The following MPP4 variants were observed in gnomAD, a reference collection of about 807,000 sequenced individuals.
MPP4 encodes MAGUK p55 scaffold protein 4.
MPP4 carries 91 observed loss-of-function variants against 98.3 expected under a neutral mutation model. The ratio of observed to expected loss-of-function variants is 0.93; its 90% CI spans 0.78 to 1.10. The LOEUF (loss-of-function observed/expected upper bound fraction) is 1.10. Ranked by LOEUF, MPP4 falls within the 50% of genes least tolerant of loss-of-function variation. The pLI is 0.00. For missense variants in MPP4, 744 were observed against 792.9 expected (o/e 0.94, Z 0.74); for synonymous variants, 261 against 271.8 (o/e 0.96, Z 0.39).
chr2:201,685,248 TGGTCTTTC>T, intron 6 of MPP4, 103 bp from the exon 7 acceptor site: 1 of 139,602 alleles, frequency 7.2e-6, no homozygotes, highest in South Asian at 1.2e-4. Context: ...AATGCAGCTC[TGGTCTTTC>T]AATCAATGCA....
At chr2:201,682,733 C>A in intron 8 of MPP4, 98 bp downstream of exon 8, 1 of 1,007,024 alleles carries the variant, frequency 9.9e-7, no homozygotes, top group South Asian at 1.4e-5. Context: ...GAACTTGAGT[C>A]CCCGGTACAT....
chr2:201,660,220 CA>C, intron 15 of MPP4, 111 bp downstream of exon 15: 1 of 1,074,628 alleles, frequency 9.3e-7, no homozygotes, highest in Non-Finnish European at 1.4e-6. Context: ...TAAACAACAA[CA>C]AATTCCGTAT....
chr2:201,680,968 CA>C lies in MPP4; in HGVS notation c.798del (p.Gly267AspfsTer42). ...ATGTCCCCCTTCTGGAAAGGCAATC[CA>C]GCGTCCATGCAGGGGATGTCGGGAT... is the stretch of plus-strand genomic sequence containing the variant. ...QEDPDIPCMD[A>X]GLPFQKGDIL... is the part of the protein sequence containing the mutation. On this transcript the variant is annotated frameshift_variant, in exon 10 of 22. Coordinates refer to ENST00000409474, the MANE Select transcript of MPP4 (RefSeq NM_033066.3). LOFTEE classifies it high-confidence loss of function. The C allele has an allele frequency of 6.2e-7, 1 of 1,613,942 alleles. No individual in the cohort carries two copies. The highest frequency in any genetic ancestry group is 8.5e-7 in the Non-Finnish European group (1 of 1,179,872).
At position 201,686,033 on chromosome 2, in the gene MPP4, A is replaced by T. The variant is rs376175310; in HGVS notation, c.378T>A (p.His126Gln). 2.5e-6 allele frequency: 4 copies of T among 1,611,868 alleles called. No homozygotes were observed. Among genetic ancestry groups the T allele is most frequent in the Non-Finnish European group, 3.4e-6 (4 of 1,178,262 alleles). The change falls in exon 6 of 22, where the codon CAT becomes CAA. Residue 126 changes from histidine to glutamine, a missense_variant. Physicochemically the swap from His to Gln is conservative, Grantham distance 24. Transcript: ENST00000409474. Reference sequence around the variant, plus strand: ...CAAAATCTTTCTGAGCTATCGTGTCATGGGCACTGAGCAAGGCCTGGGCAC... The same window carrying T: ...CAAAATCTTTCTGAGCTATCGTGTCTTGGGCACTGAGCAAGGCCTGGGCAC... ...APHFKALLSA[H>Q]DTIAQKDFEP...
intron 10 of MPP4, chr2:201,680,106 C>T (rs764249346): frequency 6.6e-6 from 1 of 152,224 alleles, no homozygotes; most frequent in Non-Finnish European, 1.5e-5. Flanking sequence ...GGGACTGCTG[C>T]TTCTTTCTAT....
At chr2:201,652,078 C>G in intron 18 of MPP4, 1 of 891,188 alleles carries the variant, frequency 1.1e-6, no homozygotes, top group Non-Finnish European at 1.3e-6. Flanking sequence ...GAAAGCACAG[C>G]CTATAGCATG....
chr2:201,684,374 T>G (rs1688757003), intron 7 of MPP4, among the ~76,000 whole-genome samples: 1 of 152,208 alleles, frequency 6.6e-6, no homozygotes, highest in Admixed American at 6.5e-5. Context: ...GTTGGGAATA[T>G]AGAGCTAAGC....
At chr2:201,647,298 C>T (rs1267218285) in intron 21 of MPP4, among the ~76,000 whole-genome samples, 3 of 151,766 alleles carry the variant, frequency 2.0e-5, no homozygotes, top group Non-Finnish European at 4.4e-5. Context: ...TCATACATGC[C>T]CAATTTCTGT....
rs781676743 is a variant in MPP4, at chr2:201,664,299, C to T, written c.1052-198G>A. 15 of 1,460,512 alleles carry T rather than the reference C, an allele frequency of 1.0e-5. No individual in the cohort carries two copies. In the South Asian group the frequency reaches 1.7e-4, roughly 17 times the overall value. 90.5% of individuals were successfully genotyped at this position (1,460,512 alleles called of 1,614,324 possible). A position where few individuals can be genotyped will look rare whatever the true frequency, so the allele number is the denominator to read the frequency against. ...TTTACATGAAACACATGGTATTCGGCAGTTGAGCCATGATGACAGTCAGGG... is the reference window on the plus strand; with the variant it reads ...TTTACATGAAACACATGGTATTCGGTAGTTGAGCCATGATGACAGTCAGGG... On this transcript the variant is annotated intron_variant, in intron 13 of 21. Coordinates refer to ENST00000409474, the MANE Select transcript of MPP4 (RefSeq NM_033066.3).
rs115617480 is a variant in MPP4, at chr2:201,655,142, G to A, written c.1301-225C>T. 4.8e-3 allele frequency among the ~76,000 whole-genome samples: 734 copies of A among 152,316 alleles called. 12 individuals carry two copies. The highest frequency in any genetic ancestry group is 0.017 in the African/African-American group (696 of 41,572). Reference sequence around the variant, plus strand: ...CATTGTTTCAACATTCAGGAATGAGGTAAGGAATCACAGGAACCTGACCCC... The same window carrying A: ...CATTGTTTCAACATTCAGGAATGAGATAAGGAATCACAGGAACCTGACCCC... On this transcript the variant is annotated intron_variant, in intron 17 of 21. Transcript: ENST00000409474.
intron 8 of MPP4, among the ~76,000 whole-genome samples, chr2:201,682,204 A>T (rs1054512752): frequency 4.6e-5 from 7 of 152,194 alleles, no homozygotes; most frequent in African/African-American, 1.7e-4. Flanking sequence ...GGTAGAAGCC[A>T]TGCATATCTG....
At chr2:201,649,270 T>G (rs750327541) in intron 20 of MPP4, among the ~76,000 whole-genome samples, 2 of 152,146 alleles carry the variant, frequency 1.3e-5, no homozygotes, top group Non-Finnish European at 2.9e-5. Flanking sequence ...AAGCAACATC[T>G]TATTCACTCC....
chr2:201,654,016 G>T (rs1199659675), intron 18 of MPP4, among the ~76,000 whole-genome samples: 3 of 151,240 alleles, frequency 2.0e-5, no homozygotes, highest in Non-Finnish European at 4.4e-5. Context: ...TCACTTTCTC[G>T]CCCAGACTGG....
In MPP4 at chr2:201,650,130, C is replaced by A. The variant is rs779597510; in HGVS notation, c.1417G>T (p.Gly473Trp). ...TTGGACACATAGTGATACTCACGCC[C>A]ATTCATTTCGTAACTCTTTTTAGTA... ...TRTKKSYEMN[G>W]REYHYVSKET... is the part of the protein sequence containing the mutation. Residue 473 changes from glycine (G) to tryptophan (W), a missense_variant, in exon 19 of 22, where the codon GGG (glycine) becomes TGG (tryptophan). Coordinates refer to ENST00000409474, the MANE Select transcript of MPP4 (RefSeq NM_033066.3). 1 of 1,580,072 alleles carries A rather than the reference C, an allele frequency of 6.3e-7. No homozygotes were observed. The highest frequency in any genetic ancestry group is 2.3e-5 in the East Asian group (1 of 44,038).
At chr2:201,693,180 A>G (rs2105950688) in intron 2 of MPP4, among the ~76,000 whole-genome samples, 151 bp from the exon 3 acceptor site, 1 of 152,322 alleles carries the variant, frequency 6.6e-6, no homozygotes, top group East Asian at 1.9e-4. Context: ...GCCCTGTTCC[A>G]CCTCTTACTT....
intron 3 of MPP4, among the ~76,000 whole-genome samples, chr2:201,691,427 G>A (rs554402044): frequency 1.4e-3 from 214 of 152,172 alleles, no homozygotes; most frequent in African/African-American, 5.1e-3. Context: ...CTACTAGATA[G>A]TAGATGCTAT....
At chr2:201,656,460 T>C (rs1687852178) in intron 16 of MPP4, 92 bp from the exon 17 acceptor site, 3 of 1,249,386 alleles carry the variant, frequency 2.4e-6, no homozygotes, top group Admixed American at 2.7e-5. Flanking sequence ...ACCATGATCC[T>C]AAAGTGTTCA....
intron 10 of MPP4, 21 bp downstream of exon 10, chr2:201,680,817 A>G (rs145031638): frequency 1.3e-6 from 2 of 1,597,440 alleles, no homozygotes; most frequent in East Asian, 2.3e-5. Flanking sequence ...CCCTGAGTCC[A>G]GGAGTGGTGA....
intron 12 of MPP4, 124 bp from the exon 13 acceptor site, chr2:201,666,496 G>T: frequency 1.5e-6 from 1 of 656,334 alleles, no homozygotes; most frequent in Non-Finnish European, 2.5e-6. Flanking sequence ...CGAGGCGGGC[G>T]GATCACCTGA....
Sources: allele counts gnomAD v4.1 joint callset (sites outside exome capture counted in the v4.1 genomes callset), GRCh38; gene constraint gnomAD v4.1.1; transcripts MANE v1.5; gene names NCBI Gene and HGNC (gene_info 2026-07-23, HGNC 2026-07-21).